SLC9A9: variants seen among roughly 807,000 people sequenced by gnomAD.
SLC9A9 encodes the protein solute carrier family 9 member A9.
Under a neutral mutation model 77.8 loss-of-function variants are expected in SLC9A9, and 62 were observed. The ratio of observed to expected loss-of-function variants is 0.80; its 90% confidence interval spans 0.65 to 0.98. The LOEUF is 0.98. Among genes scored for constraint, SLC9A9 ranks in the 50% least tolerant of loss-of-function variants. The pLI, the probability that SLC9A9 is intolerant of heterozygous loss-of-function variation, is 0.00. For missense variants in SLC9A9, 775 were observed against 774.9 expected (o/e 1.00, Z 0.00); for synonymous variants, 320 against 283.5 (o/e 1.13, Z -1.29).
chr3:143,792,149 T>A (rs1476908744), intron 4 of SLC9A9, among the ~76,000 whole-genome samples: 1 of 152,152 alleles, frequency 6.6e-6, no homozygotes. Flanking sequence ...AGATGGATAA[T>A]CCATGCAAAG....
chr3:143,374,556 C>T (rs2033136777), intron 13 of SLC9A9, among the ~76,000 whole-genome samples: 1 of 151,134 alleles, frequency 6.6e-6, no homozygotes, highest in African/African-American at 2.4e-5. Flanking sequence ...GCATATTAAG[C>T]ACTATTTAAC....
intron 5 of SLC9A9, among the ~76,000 whole-genome samples, chr3:143,679,736 C>T (rs1933020078): frequency 6.6e-6 from 1 of 151,612 alleles, no homozygotes; most frequent in Non-Finnish European, 1.5e-5. Flanking sequence ...GGAACATGAG[C>T]AAAAGTGAAA....
chr3:143,648,174 A>G (rs1181077113), intron 6 of SLC9A9, among the ~76,000 whole-genome samples: 1 of 152,156 alleles, frequency 6.6e-6, no homozygotes, highest in Admixed American at 6.5e-5. Flanking sequence ...TAGAACAACT[A>G]TTCTCACATT....
At chr3:143,387,030 G>A (rs2033443542) in intron 12 of SLC9A9, among the ~76,000 whole-genome samples, 2 of 152,096 alleles carry the variant, frequency 1.3e-5, no homozygotes, top group Admixed American at 1.3e-4. Context: ...CAGTAGAGAT[G>A]GGGTTTTGTC....
At chr3:143,363,806 AGCTAAGAAAT>A (rs1425546367) in intron 13 of SLC9A9, among the ~76,000 whole-genome samples, 1 of 152,212 alleles carries the variant, frequency 6.6e-6, no homozygotes, top group Admixed American at 6.5e-5. Flanking sequence ...TTTATTAAAT[AGCTAAGAAAT>A]GCTATTTTGA....
intron 9 of SLC9A9, among the ~76,000 whole-genome samples, chr3:143,513,567 T>C (rs1576546419): frequency 6.6e-6 from 1 of 152,350 alleles, no homozygotes; most frequent in East Asian, 1.9e-4. Flanking sequence ...AAATCACAAA[T>C]GTTCTTAATA....
intron 8 of SLC9A9, among the ~76,000 whole-genome samples, chr3:143,555,766 T>C (rs2036968778): frequency 6.6e-6 from 1 of 152,228 alleles, no homozygotes; most frequent in Non-Finnish European, 1.5e-5. Context: ...GCTGCATTGG[T>C]TATCATTTCC....
intron 9 of SLC9A9, among the ~76,000 whole-genome samples, chr3:143,519,840 C>T (rs1576550131): frequency 6.6e-6 from 1 of 152,106 alleles, no homozygotes; most frequent in African/African-American, 2.4e-5. Context: ...AAGACATCTG[C>T]ATTTTTGGCC....
At chr3:143,622,451 G>T (rs1445273003) in intron 6 of SLC9A9, among the ~76,000 whole-genome samples, 13 of 152,130 alleles carry the variant, frequency 8.5e-5, no homozygotes, top group Admixed American at 4.6e-4. Context: ...AGAGAGTGGG[G>T]GCCAATATTC....
intron 4 of SLC9A9, among the ~76,000 whole-genome samples, chr3:143,757,996 A>G (rs895624130): frequency 6.6e-6 from 1 of 152,164 alleles, no homozygotes; most frequent in African/African-American, 2.4e-5. Flanking sequence ...ACCACCACAC[A>G]GTTTTCCAAA....
At chr3:143,750,015 T>C (rs1300884436) in intron 4 of SLC9A9, among the ~76,000 whole-genome samples, 1 of 152,212 alleles carries the variant, frequency 6.6e-6, no homozygotes, top group Non-Finnish European at 1.5e-5. Context: ...TAAGCCTCCA[T>C]GATCCTTATT....
intron 4 of SLC9A9, among the ~76,000 whole-genome samples, chr3:143,720,253 T>A (rs564013687): frequency 0.011 from 1,604 of 146,668 alleles, 29 homozygotes; most frequent in African/African-American, 0.04. Context: ...ATATATATAT[T>A]TTTTTTCACA....
chr3:143,618,482 A>C (rs1458067108), intron 6 of SLC9A9, among the ~76,000 whole-genome samples: 1 of 152,188 alleles, frequency 6.6e-6, no homozygotes, highest in Non-Finnish European at 1.5e-5. Context: ...AAGTCTGGTA[A>C]CTGTAGAAAA....
At chr3:143,330,943 T>G (rs2031746995) in intron 14 of SLC9A9, among the ~76,000 whole-genome samples, 1 of 152,252 alleles carries the variant, frequency 6.6e-6, no homozygotes, top group Non-Finnish European at 1.5e-5. Flanking sequence ...GTAGTGACGC[T>G]GATTTAAATG....
intron 12 of SLC9A9, among the ~76,000 whole-genome samples, chr3:143,424,879 G>A (rs1307802406): frequency 6.6e-6 from 1 of 152,158 alleles, no homozygotes; most frequent in Non-Finnish European, 1.5e-5. Context: ...TTCCTGGTCT[G>A]TAAAATAGGG....
At chr3:143,356,769 C>A (rs756776674) in intron 14 of SLC9A9, among the ~76,000 whole-genome samples, 2 of 152,118 alleles carry the variant, frequency 1.3e-5, no homozygotes, top group Non-Finnish European at 2.9e-5. Context: ...CCCGCTTCCA[C>A]CCCCTAAGGT....
intron 12 of SLC9A9, among the ~76,000 whole-genome samples, chr3:143,430,048 C>T (rs1323879805): frequency 6.6e-6 from 1 of 152,194 alleles, no homozygotes; most frequent in Non-Finnish European, 1.5e-5. Context: ...GTTCAAGCCA[C>T]AGCGGCTTGA....
At chr3:143,760,942 T>C (rs138296744) in intron 4 of SLC9A9, among the ~76,000 whole-genome samples, 279 of 152,216 alleles carry the variant, frequency 1.8e-3, no homozygotes, top group Middle Eastern at 0.01. Flanking sequence ...CTTCAAACTA[T>C]ACTACAAGGC....
chr3:143,533,341 T>C (rs1244537972), intron 9 of SLC9A9, among the ~76,000 whole-genome samples: 1 of 152,204 alleles, frequency 6.6e-6, no homozygotes, highest in Non-Finnish European at 1.5e-5. Context: ...CTTGCCTTAA[T>C]TCCCAGATGC....
Sources: allele counts gnomAD v4.1 joint callset (sites outside exome capture counted in the v4.1 genomes callset), GRCh38; gene constraint gnomAD v4.1.1; transcripts MANE v1.5; gene names NCBI Gene and HGNC (gene_info 2026-07-23, HGNC 2026-07-21).